The following CDC42BPA variants were observed in gnomAD, a reference collection of about 807,000 sequenced individuals.
The protein encoded by CDC42BPA is serine/threonine-protein kinase MRCK alpha.
A neutral mutation model predicts 223.5 loss-of-function variants in CDC42BPA; 80 were observed. The observed-to-expected ratio is 0.36, with a 90% CI of 0.30 to 0.43. The LOEUF is 0.43. CDC42BPA is among the 20% of genes least tolerant of loss of function. CDC42BPA has a pLI of 1.00. For synonymous variants in CDC42BPA, 694 were observed against 718.6 expected (o/e 0.97, Z 0.55); for missense variants, 1,743 against 2,099.9 (o/e 0.83, Z 3.32).
intron 6 of CDC42BPA, among the ~76,000 whole-genome samples, chr1:227,148,772 C>G (rs370096496): frequency 1.3e-4 from 10 of 78,786 alleles, no homozygotes; most frequent in Admixed American, 1.9e-4. Flanking sequence ...GTCTCAAAAG[C>G]AAAAAAAAAA....
chr1:227,153,112 T>A (rs986807450), intron 6 of CDC42BPA, among the ~76,000 whole-genome samples: 11 of 151,758 alleles, frequency 7.2e-5, no homozygotes, highest in African/African-American at 2.7e-4. Context: ...TTTACCATCA[T>A]AAGGATTTTT....
At chr1:227,048,073 C>A in intron 22 of CDC42BPA, 63 bp from the exon 23 acceptor site, 4 of 983,616 alleles carry the variant, frequency 4.1e-6, no homozygotes, top group Non-Finnish European at 6.1e-6. Context: ...TCAAATATAA[C>A]TAGAAAGAAG....
At chr1:227,242,693 T>C (rs553202021) in intron 2 of CDC42BPA, among the ~76,000 whole-genome samples, 1 of 152,036 alleles carries the variant, frequency 6.6e-6, no homozygotes, top group South Asian at 2.1e-4. Context: ...AAGAATTGGA[T>C]TGGGGCAGAT....
At chr1:227,041,158 A>C (rs1671285416) in intron 23 of CDC42BPA, among the ~76,000 whole-genome samples, 1 of 151,798 alleles carries the variant, frequency 6.6e-6, no homozygotes, top group Non-Finnish European at 1.5e-5. Context: ...AATAATTTCA[A>C]CTCTTATTTT....
chr1:227,132,365 G>A (rs1016101629), intron 10 of CDC42BPA, among the ~76,000 whole-genome samples: 4 of 151,966 alleles, frequency 2.6e-5, no homozygotes, highest in Non-Finnish European at 5.9e-5. Context: ...GCTCCTAACC[G>A]CGAGTGATCC....
intron 4 of CDC42BPA, among the ~76,000 whole-genome samples, chr1:227,198,478 A>AAAAAAAAG (rs1671146967): frequency 1.1e-5 from 1 of 92,542 alleles, no homozygotes; most frequent in Non-Finnish European, 2.1e-5. Context: ...AAGAAAGAAA[A>AAAAAAAAG]AAAATGTTGC....
chr1:227,311,607 G>A (rs1693554648), intron 1 of CDC42BPA, among the ~76,000 whole-genome samples: 3 of 151,700 alleles, frequency 2.0e-5, no homozygotes, highest in Admixed American at 2.0e-4. Flanking sequence ...ATGCCCATTA[G>A]CCCAAACTCA....
At chr1:227,154,175 A>T (rs558071271) in intron 6 of CDC42BPA, among the ~76,000 whole-genome samples, 1 of 151,976 alleles carries the variant, frequency 6.6e-6, no homozygotes, top group Non-Finnish European at 1.5e-5. Flanking sequence ...AAACAACCTA[A>T]CATCATCTTG....
chr1:227,032,630 G>A (rs1252002226), intron 27 of CDC42BPA, among the ~76,000 whole-genome samples: 1 of 152,096 alleles, frequency 6.6e-6, no homozygotes, highest in Non-Finnish European at 1.5e-5. Context: ...AATGCAGAAG[G>A]GTTATTATAC....
At chr1:227,283,757 T>C (rs573650142) in intron 1 of CDC42BPA, among the ~76,000 whole-genome samples, 1 of 152,324 alleles carries the variant, frequency 6.6e-6, no homozygotes, top group East Asian at 1.9e-4. Context: ...ATATGTACCC[T>C]TGCATCTAAA....
chr1:227,288,095 T>C (rs1014355458), intron 1 of CDC42BPA, among the ~76,000 whole-genome samples: 7 of 152,186 alleles, frequency 4.6e-5, no homozygotes, highest in African/African-American at 1.7e-4. Flanking sequence ...TACATGCTTG[T>C]CCCATCAGTC....
At chr1:227,245,647 G>T (rs1391825879) in intron 2 of CDC42BPA, among the ~76,000 whole-genome samples, 2 of 152,132 alleles carry the variant, frequency 1.3e-5, no homozygotes, top group African/African-American at 2.4e-5. Context: ...AGAGCACCAG[G>T]CAGAGCCATG....
At chr1:227,135,229 AT>A (rs1658244535) in intron 10 of CDC42BPA, among the ~76,000 whole-genome samples, 1 of 152,200 alleles carries the variant, frequency 6.6e-6, no homozygotes, top group South Asian at 2.1e-4. Flanking sequence ...GTCCCTAAGC[AT>A]ATGGTGCTTT....
intron 17 of CDC42BPA, among the ~76,000 whole-genome samples, chr1:227,079,973 T>C (rs945921049): frequency 1.6e-4 from 25 of 151,672 alleles, no homozygotes; most frequent in African/African-American, 5.3e-4. Flanking sequence ...AAACATAGCC[T>C]GAAGGTTAAC....
rs1387585950 is a variant in CDC42BPA, at chr1:227,145,961, AAAG to A, written c.895-227_895-225del. Among the ~76,000 whole-genome samples, 17 of 152,294 alleles carry A rather than the reference AAAG, an allele frequency of 1.1e-4. No homozygotes were observed. The East Asian group carries it at 2.3e-3, about 21-fold the overall frequency. On this transcript the variant is annotated intron_variant, in intron 7 of 36. Coordinates refer to ENST00000366766, the MANE Select transcript of CDC42BPA (RefSeq NM_001394014.1). ...TGACTCAATCATGCATGCGCTATAG[AAAG>A]AAGAATACATTGTACCTTAGATATC...
At chr1:227,070,866 C>A (rs1038456136) in intron 20 of CDC42BPA, among the ~76,000 whole-genome samples, 1 of 151,796 alleles carries the variant, frequency 6.6e-6, no homozygotes, top group Admixed American at 6.6e-5. Flanking sequence ...AAGTTTAGGT[C>A]TATTCTAAAA....
At chr1:227,279,137 T>A (rs1221316660) in intron 1 of CDC42BPA, among the ~76,000 whole-genome samples, 1 of 152,126 alleles carries the variant, frequency 6.6e-6, no homozygotes, top group Admixed American at 6.5e-5. Context: ...ATTACATCTT[T>A]CTTTTGGTCT....
chr1:227,053,486 C>T (rs910185112), intron 21 of CDC42BPA, among the ~76,000 whole-genome samples: 4 of 152,146 alleles, frequency 2.6e-5, no homozygotes, highest in Admixed American at 1.3e-4. Context: ...ATTTAAAAAA[C>T]TGGGCCACTG....
At chr1:227,222,306 T>C (rs11800959) in intron 2 of CDC42BPA, among the ~76,000 whole-genome samples, 32,565 of 151,774 alleles carry the variant, frequency 0.21, 3,917 homozygotes, top group African/African-American at 0.3. Context: ...GTTAGGAGTT[T>C]GAGACCAGCC....
Sources: gnomAD v4.1 joint callset for allele counts (sites outside exome capture counted in the v4.1 genomes callset) on GRCh38, gnomAD v4.1.1 for gene constraint, MANE v1.5 for transcripts, NCBI Gene and HGNC (gene_info 2026-07-23, HGNC 2026-07-21) for gene names.